PTPRN2: variants seen among roughly 807,000 people sequenced by gnomAD.
PTPRN2 encodes the protein protein tyrosine phosphatase receptor type N2.
A neutral mutation model predicts 118.8 loss-of-function variants in PTPRN2; 74 were observed. The ratio of observed to expected loss-of-function variants is 0.62; its 90% CI spans 0.52 to 0.76. PTPRN2 has a LOEUF of 0.76. Among genes scored for constraint, PTPRN2 ranks in the 30% least tolerant of loss-of-function variants. PTPRN2 has a pLI of 0.00. For missense variants in PTPRN2, 1,481 were observed against 1,394.4 expected (o/e 1.06, Z -0.99); for synonymous variants, 641 against 608.0 (o/e 1.05, Z -0.80).
chr7:158,230,801 A>G (rs1204436175), intron 3 of PTPRN2, among the ~76,000 whole-genome samples: 1 of 152,248 alleles, frequency 6.6e-6, no homozygotes, highest in Non-Finnish European at 1.5e-5. Context: ...CAAACAAAAT[A>G]GCAGTAGTCA....
intron 12 of PTPRN2, chr7:157,865,214 G>T: frequency 6.6e-6 from 1 of 152,456 alleles, no homozygotes. Context: ...CTGTGGGGGT[G>T]GCCCCTGAGG....
At chr7:157,580,518 C>A (rs187738382) in intron 17 of PTPRN2, among the ~76,000 whole-genome samples, 2 of 146,378 alleles carry the variant, frequency 1.4e-5, no homozygotes, top group African/African-American at 5.1e-5. Context: ...CACCTGCACA[C>A]CCCAGCACCT....
At chr7:158,311,463 TA>T (rs533801676) in intron 3 of PTPRN2, among the ~76,000 whole-genome samples, 29 of 151,840 alleles carry the variant, frequency 1.9e-4, no homozygotes, top group African/African-American at 3.1e-4. Context: ...GAAATGTATT[TA>T]AAAAAAAATC....
At chr7:158,076,263 T>C (rs1201482680) in intron 11 of PTPRN2, among the ~76,000 whole-genome samples, 1 of 152,210 alleles carries the variant, frequency 6.6e-6, no homozygotes, top group Non-Finnish European at 1.5e-5. Flanking sequence ...GGAGCACGGA[T>C]GGGCTTCGGG....
chr7:158,221,319 T>C (rs1330415373), intron 3 of PTPRN2, among the ~76,000 whole-genome samples: 1 of 151,286 alleles, frequency 6.6e-6, no homozygotes, highest in Non-Finnish European at 1.5e-5. Flanking sequence ...AAAGATTTAA[T>C]GATGACATCT....
chr7:158,337,359 TCCCTCACACCCA>T (rs1805828397), intron 2 of PTPRN2, among the ~76,000 whole-genome samples: 3 of 85,416 alleles, frequency 3.5e-5, no homozygotes, highest in Admixed American at 2.5e-4. Flanking sequence ...CCTGCAGACG[TCCCTCACACCCA>T]CACTCTCACC....
chr7:158,489,461 A>T (rs1310030619), intron 2 of PTPRN2, among the ~76,000 whole-genome samples: 1 of 152,180 alleles, frequency 6.6e-6, no homozygotes, highest in East Asian at 1.9e-4. Flanking sequence ...AAATTTTTTA[A>T]AAAAGGATGA....
At chr7:158,530,063 CAG>C (rs1254239318) in intron 1 of PTPRN2, among the ~76,000 whole-genome samples, 1 of 152,134 alleles carries the variant, frequency 6.6e-6, no homozygotes, top group Non-Finnish European at 1.5e-5. Flanking sequence ...AGAGGGAAAA[CAG>C]AGAGAATGCA....
rs202116873 is a variant in PTPRN2, at chr7:157,716,488, G to A, written c.1789-33551C>T. Among the ~76,000 whole-genome samples the A allele has an allele frequency of 0.013, 939 of 74,496 alleles. 211 individuals carry two copies. The South Asian group carries it at 0.17, about 13-fold the overall frequency. 48.9% of individuals were successfully genotyped at this position (74,496 alleles called of 152,430 possible). A position where few individuals can be genotyped will look rare whatever the true frequency, so the allele number is the denominator to read the frequency against. On this transcript the variant is annotated intron_variant, in intron 12 of 22. Coordinates refer to ENST00000389418, the MANE Select transcript of PTPRN2 (RefSeq NM_002847.5). ...CTCTGCAGGAACACTGCCTGGCCAC[G>A]TAGACTCTGCGGGAACACTGCCTGG...
intron 10 of PTPRN2, among the ~76,000 whole-genome samples, chr7:158,085,039 CCCA>C (rs1351716156): frequency 1.5e-5 from 2 of 135,942 alleles, no homozygotes; most frequent in Non-Finnish European, 3.1e-5. Context: ...CCCATCCACA[CCCA>C]CGACACCCAT....
intron 6 of PTPRN2, among the ~76,000 whole-genome samples, chr7:158,149,605 C>A (rs760860453): frequency 6.6e-6 from 1 of 152,060 alleles, no homozygotes; most frequent in African/African-American, 2.4e-5. Flanking sequence ...GAGTTCGAGA[C>A]CAGCCTGGCC....
At chr7:158,375,554 G>A (rs1810436256) in intron 2 of PTPRN2, among the ~76,000 whole-genome samples, 1 of 152,226 alleles carries the variant, frequency 6.6e-6, no homozygotes, top group Admixed American at 6.5e-5. Context: ...AAAAATTCTG[G>A]GTAGAAGAGG....
chr7:158,161,561 TAC>T (rs1822356810), intron 6 of PTPRN2, among the ~76,000 whole-genome samples: 1 of 152,214 alleles, frequency 6.6e-6, no homozygotes, highest in South Asian at 2.1e-4. Context: ...ATGCAGACCT[TAC>T]ACCTTTCACA....
In PTPRN2 at chr7:158,138,343, TCCAGACTCTC is replaced by T; in HGVS notation, c.1073_1082del (p.Gly358GlufsTer35). 6.2e-7 allele frequency: 1 copy of T among 1,613,710 alleles called. No individual in the cohort carries two copies. Among genetic ancestry groups the T allele is most frequent in the Non-Finnish European group, 8.5e-7 (1 of 1,180,018 alleles). On this transcript the variant is annotated frameshift_variant, in exon 7 of 23. Coordinates refer to ENST00000389418, the MANE Select transcript of PTPRN2 (RefSeq NM_002847.5). LOFTEE classifies it high-confidence loss of function. Reference sequence around the variant, plus strand: ...TGGCCTTGGGGCCATCCGCCTGTTCTCCAGACTCTCCCAGGGCCGCTCTCCCAGGGCTGCC... The same window carrying T: ...TGGCCTTGGGGCCATCCGCCTGTTCTCCAGGGCCGCTCTCCCAGGGCTGCC...
chr7:158,263,024 CACAT>C (rs66904107), intron 3 of PTPRN2, among the ~76,000 whole-genome samples: 17,231 of 143,978 alleles, frequency 0.12, 1,075 homozygotes, highest in African/African-American at 0.17. Flanking sequence ...ACACAGTGCA[CACAT>C]ACATATTCAC....
At chr7:158,092,484 G>T (rs117030848) in intron 10 of PTPRN2, among the ~76,000 whole-genome samples, 3,453 of 151,980 alleles carry the variant, frequency 0.023, 78 homozygotes, top group Admixed American at 0.059. Context: ...TTGGTGGATA[G>T]AGATATGTAT....
At chr7:157,802,136 T>C (rs988713920) in intron 12 of PTPRN2, among the ~76,000 whole-genome samples, 2 of 152,162 alleles carry the variant, frequency 1.3e-5, no homozygotes, top group Non-Finnish European at 2.9e-5. Flanking sequence ...CTTCCCTGAG[T>C]GTGCAGCGTG....
At chr7:157,819,239 G>A (rs59113776) in intron 12 of PTPRN2, among the ~76,000 whole-genome samples, 3,054 of 152,296 alleles carry the variant, frequency 0.02, 107 homozygotes, top group African/African-American at 0.07. Context: ...TTGGCGCTGG[G>A]TCTTCCAAAG....
At chr7:157,919,945 A>C (rs901412233) in intron 11 of PTPRN2, among the ~76,000 whole-genome samples, 1 of 152,168 alleles carries the variant, frequency 6.6e-6, no homozygotes, top group African/African-American at 2.4e-5. Flanking sequence ...ACAAATGCCT[A>C]CCGCTGTGTT....
Sources: gnomAD v4.1 joint callset for allele counts (sites outside exome capture counted in the v4.1 genomes callset) on GRCh38, gnomAD v4.1.1 for gene constraint, MANE v1.5 for transcripts, NCBI Gene and HGNC (gene_info 2026-07-23, HGNC 2026-07-21) for gene names.